The following NCAM1 variants were observed in gnomAD, a reference collection of about 807,000 sequenced individuals.
The protein encoded by NCAM1 is antigen recognized by monoclonal antibody 5.1H11.
In NCAM1, 14 loss-of-function variants were observed where a neutral mutation model predicts 109.8. That is an observed-to-expected ratio of 0.13 (90% CI 0.08 to 0.20). The LOEUF (loss-of-function observed/expected upper bound fraction) is 0.20, where lower values mean the gene tolerates loss of function less well. NCAM1 is among the 10% of genes least tolerant of loss of function. The probability of loss-of-function intolerance (pLI) is 1.00; values close to 1 mark genes in which losing one functional copy is unlikely to be tolerated. For synonymous variants in NCAM1, 418 were observed against 442.9 expected, an observed-to-expected ratio of 0.94 and a Z score of 0.70; for missense variants, 774 against 1,109.9, an observed-to-expected ratio of 0.70 and a Z score of 4.30.
chr11:113,108,584 A>T (rs1940274512), intron 1 of NCAM1, among the ~76,000 whole-genome samples: 1 of 152,114 alleles, frequency 6.6e-6, no homozygotes, highest in Non-Finnish European at 1.5e-5. Context: ...TCTGGACAAA[A>T]AGTTCTTTGT....
intron 1 of NCAM1, among the ~76,000 whole-genome samples, chr11:113,189,179 C>T (rs1024256155): frequency 1.6e-4 from 25 of 152,158 alleles, no homozygotes; most frequent in Middle Eastern, 3.4e-3. Context: ...CGGCCGGGCA[C>T]GGTGGCTCAC....
chr11:113,229,301 A>G (rs1054254610), intron 9 of NCAM1, among the ~76,000 whole-genome samples: 1 of 152,262 alleles, frequency 6.6e-6, no homozygotes, highest in Admixed American at 6.5e-5. Context: ...TCAAAAGAAG[A>G]TATTTATGCA....
intron 1 of NCAM1, among the ~76,000 whole-genome samples, chr11:113,142,320 T>G (rs1941859630): frequency 6.6e-6 from 1 of 152,104 alleles, no homozygotes; most frequent in Non-Finnish European, 1.5e-5. Context: ...CATTAGGAAA[T>G]GTACTAGGGC....
intron 1 of NCAM1, among the ~76,000 whole-genome samples, chr11:113,009,915 G>A (rs898343895): frequency 2.0e-5 from 3 of 152,072 alleles, no homozygotes; most frequent in African/African-American, 7.2e-5. Flanking sequence ...AGATCTTCAG[G>A]CACATGGAAG....
In NCAM1 at chr11:113,277,209, G is replaced by C. The variant is rs541429398; in HGVS notation, c.*1822G>C. On this transcript the variant is annotated 3_prime_UTR_variant, in exon 20 of 20. Coordinates refer to ENST00000316851, the MANE Select transcript of NCAM1 (RefSeq NM_181351.5). Reference sequence around the variant, plus strand: ...GTTAGGGTGGCAAGGCTGCCTCTGGGTCCATTCTGTGGGCCACTCTCCCCA... The same window carrying C: ...GTTAGGGTGGCAAGGCTGCCTCTGGCTCCATTCTGTGGGCCACTCTCCCCA... The C allele has an allele frequency of 6.5e-5, 26 of 397,698 alleles. No homozygotes were observed. Among genetic ancestry groups the C allele is most frequent in the African/African-American group, 5.3e-4 (26 of 48,726 alleles). 24.6% of individuals were successfully genotyped at this position (397,698 alleles called of 1,614,324 possible).
rs781948501 is a variant in NCAM1 at position 113,277,080 on chromosome 11, G to T, written c.*1693G>T. ...AACGGAATCGAAGCCTTTTAACAAA[G>T]AAAATGAAATACAGATGATGATGAT... On this transcript the variant is annotated 3_prime_UTR_variant, in exon 20 of 20. Coordinates refer to ENST00000316851, the MANE Select transcript of NCAM1 (RefSeq NM_181351.5). 2.2e-5 allele frequency: 8 copies of T among 360,910 alleles called. No individual in the cohort carries two copies. The highest frequency in any genetic ancestry group is 3.4e-5 in the Non-Finnish European group (7 of 202,932). The allele number at this position is 360,910 out of a possible 1,614,324, so 22.4% of individuals were successfully genotyped here. A position where few individuals can be genotyped will look rare whatever the true frequency, so the allele number is the denominator to read the frequency against.
At chr11:113,171,087 G>C (rs1555106141) in intron 1 of NCAM1, among the ~76,000 whole-genome samples, 3 of 152,220 alleles carry the variant, frequency 2.0e-5, no homozygotes, top group African/African-American at 7.2e-5. Flanking sequence ...CTGTGTGCCA[G>C]AGGCTGTGAC....
chr11:113,068,854 G>C (rs542663840), intron 1 of NCAM1, among the ~76,000 whole-genome samples: 1 of 152,052 alleles, frequency 6.6e-6, no homozygotes, highest in Non-Finnish European at 1.5e-5. Context: ...CCCCTTAAAT[G>C]AGCATAATAG....
At chr11:113,106,562 GGTATA>G (rs1940175860) in intron 1 of NCAM1, among the ~76,000 whole-genome samples, 1 of 152,136 alleles carries the variant, frequency 6.6e-6, no homozygotes, top group Non-Finnish European at 1.5e-5. Context: ...ATTATCATCT[GGTATA>G]TCTGCTTCCA....
chr11:113,168,211 C>T (rs1459342652), intron 1 of NCAM1, among the ~76,000 whole-genome samples: 5 of 152,098 alleles, frequency 3.3e-5, no homozygotes, highest in South Asian at 4.2e-4. Flanking sequence ...ACAGTGAATG[C>T]GTTATCTGTC....
In NCAM1 at chr11:113,274,805, G is replaced by A. The variant is rs1946369261; in HGVS notation, c.2457-462G>A. 6.6e-6 allele frequency among the ~76,000 whole-genome samples: 1 copy of A among 152,304 alleles called. No individual in the cohort carries two copies. Among genetic ancestry groups the A allele is most frequent in the South Asian group, 2.1e-4 (1 of 4,826 alleles). On this transcript the variant is annotated intron_variant, in intron 19 of 19. Transcript: ENST00000316851. The surrounding 1 kb of genome is among the most constrained non-coding windows in gnomAD (Gnocchi z 4.1). ...ACAGGCAAGAGTGGGTTGCAAAGGG[G>A]CCCCTGAAATCAGTGCTGGGAGCCC...
At chr11:113,011,066 C>G (rs2135117736) in intron 1 of NCAM1, among the ~76,000 whole-genome samples, 1 of 149,454 alleles carries the variant, frequency 6.7e-6, no homozygotes, top group Middle Eastern at 3.4e-3. Flanking sequence ...CACCCACTAA[C>G]TCGTCATCTA....
At chr11:113,132,406 A>G (rs1941423902) in intron 1 of NCAM1, among the ~76,000 whole-genome samples, 1 of 152,184 alleles carries the variant, frequency 6.6e-6, no homozygotes, top group African/African-American at 2.4e-5. Flanking sequence ...ACATCTGTTC[A>G]GTCCTGCCTC....
chr11:113,015,035 C>T (rs1377389366), intron 1 of NCAM1, among the ~76,000 whole-genome samples: 2 of 152,224 alleles, frequency 1.3e-5, no homozygotes, highest in African/African-American at 2.4e-5. Flanking sequence ...TTGCAGTCTC[C>T]ACCCCCTCAC....
chr11:113,093,215 G>C (rs1483860773), intron 1 of NCAM1, among the ~76,000 whole-genome samples: 3 of 152,154 alleles, frequency 2.0e-5, no homozygotes, highest in South Asian at 2.1e-4. Context: ...GAGCACCCTA[G>C]CTCCCAGATG....
chr11:113,187,418 T>C (rs1943540855), intron 1 of NCAM1, among the ~76,000 whole-genome samples: 1 of 152,160 alleles, frequency 6.6e-6, no homozygotes, highest in Admixed American at 6.6e-5. Flanking sequence ...TTTTTAGCCT[T>C]ATAACTTACC....
At chr11:113,031,691 A>AT (rs112084373) in intron 1 of NCAM1, among the ~76,000 whole-genome samples, 39,811 of 151,626 alleles carry the variant, frequency 0.26, 5,736 homozygotes, top group East Asian at 0.53. Context: ...TGTCTCAAAA[A>AT]AAAAAGAAAA....
At chr11:113,144,072 G>A (rs1941928111) in intron 1 of NCAM1, among the ~76,000 whole-genome samples, 1 of 152,172 alleles carries the variant, frequency 6.6e-6, no homozygotes, top group Non-Finnish European at 1.5e-5. Flanking sequence ...GCGTGTTACT[G>A]TGTAGCTGCC....
At chr11:113,159,915 A>G (rs1555104068) in intron 1 of NCAM1, among the ~76,000 whole-genome samples, 1 of 140,778 alleles carries the variant, frequency 7.1e-6, no homozygotes, top group Non-Finnish European at 1.5e-5. Context: ...CCCAAAAGTG[A>G]GAATGTAGTT....
Sources: allele counts gnomAD v4.1 joint callset (sites outside exome capture counted in the v4.1 genomes callset), GRCh38; gene constraint gnomAD v4.1.1; non-coding constraint Gnocchi (gnomAD v3.1); transcripts MANE v1.5; gene names NCBI Gene and HGNC (gene_info 2026-07-23, HGNC 2026-07-21).